The following PKHD1L1 variants were observed in gnomAD, a reference collection of about 807,000 sequenced individuals.
PKHD1L1 encodes the protein fibrocystin-L.
PKHD1L1 carries 434 observed loss-of-function variants against 462.9 expected under a neutral mutation model. The observed-to-expected ratio is 0.94, with a 90% confidence interval of 0.87 to 1.02. PKHD1L1 has a LOEUF of 1.02. PKHD1L1 is among the 50% of genes least tolerant of loss of function. The probability of loss-of-function intolerance (pLI) is 0.00; values close to 1 mark genes in which losing one functional copy is unlikely to be tolerated. For missense variants in PKHD1L1, 5,202 were observed against 5,096.1 expected, an observed-to-expected ratio of 1.02 and a Z score of -0.63; for synonymous variants, 1,781 against 1,750.0, an observed-to-expected ratio of 1.02 and a Z score of -0.44.
rs1817330662 is a variant in PKHD1L1, at chr8:109,464,690, G to A, written c.7858G>A (p.Gly2620Ser). The change falls in exon 49 of 78, where the codon GGT (glycine) becomes AGT (serine). Residue 2620 changes from glycine to serine, a missense_variant. By Grantham distance (56) the Gly-to-Ser change is moderately conservative (BLOSUM62 0). Coordinates refer to ENST00000378402, the MANE Select transcript of PKHD1L1 (RefSeq NM_177531.6). ...EFFNNTVHSQ[G>S]WFGMWIFEEY... is the part of the protein sequence containing the mutation. ...TTTTAACAATACTGTCCATTCTCAA[G>A]GTTGGTTTGGAATGTGGATCTTTGA... 17 of 1,613,528 alleles carry A rather than the reference G, an allele frequency of 1.1e-5. No homozygotes were observed. The highest frequency in any genetic ancestry group is 1.4e-5 in the Non-Finnish European group (17 of 1,179,804).
At chr8:109,403,451 A>G (rs1292271734) in intron 14 of PKHD1L1, among the ~76,000 whole-genome samples, 2 of 152,172 alleles carry the variant, frequency 1.3e-5, no homozygotes, top group Non-Finnish European at 2.9e-5. Flanking sequence ...CTATTTTATG[A>G]GAATTTTGTG....
At chr8:109,503,191 C>T (rs1404815005) in intron 67 of PKHD1L1, among the ~76,000 whole-genome samples, 1 of 151,928 alleles carries the variant, frequency 6.6e-6, no homozygotes, top group Non-Finnish European at 1.5e-5. Context: ...ACCTGTAATC[C>T]CAGCTACTCA....
At position 109,400,150 on chromosome 8, in the gene PKHD1L1, G is replaced by GA. The variant is rs1045166288; in HGVS notation, c.1093dup (p.Thr365AsnfsTer29). On this transcript the variant is annotated frameshift_variant, in exon 13 of 78. Coordinates refer to ENST00000378402, the MANE Select transcript of PKHD1L1 (RefSeq NM_177531.6). LOFTEE classifies it high-confidence loss of function. ...TTTGGAAGAGATACTGGAATACAATGAAAAAACGCCTGGGTACATGGGTGC... is the reference window on the plus strand; with the variant it reads ...TTTGGAAGAGATACTGGAATACAATGAAAAAAACGCCTGGGTACATGGGTGC... The GA allele has an allele frequency of 5.0e-6, 8 of 1,611,894 alleles. No homozygotes were observed. The highest frequency in any genetic ancestry group is 1.3e-5 in the African/African-American group (1 of 74,824).
intron 25 of PKHD1L1, among the ~76,000 whole-genome samples, chr8:109,428,843 C>T (rs1490774403): frequency 2.0e-5 from 3 of 152,088 alleles, no homozygotes; most frequent in Admixed American, 1.3e-4. Flanking sequence ...ACTGATTTAA[C>T]TTGGCTTTAT....
At position 109,429,327 on chromosome 8, in the gene PKHD1L1, T is replaced by C. The variant is rs1282972159; in HGVS notation, c.3001-13T>C. ...TATAACCTTTCTAGTAAAATAATTG[T>C]GTGTAAAAATAGATTAATGATTCCA... On this transcript the variant is annotated splice_polypyrimidine_tract_variant and intron_variant, in intron 25 of 77. Coordinates refer to ENST00000378402, the MANE Select transcript of PKHD1L1 (RefSeq NM_177531.6). 2 of 1,480,034 alleles carry C rather than the reference T, an allele frequency of 1.4e-6. No homozygotes were observed. Among genetic ancestry groups the C allele is most frequent in the East Asian group, 4.9e-5 (2 of 41,146 alleles). 91.7% of individuals were successfully genotyped at this position (1,480,034 alleles called of 1,614,324 possible).
intron 46 of PKHD1L1, among the ~76,000 whole-genome samples, chr8:109,458,822 C>T (rs1208401491): frequency 6.6e-6 from 1 of 152,128 alleles, no homozygotes; most frequent in East Asian, 1.9e-4. Flanking sequence ...AGCATTGACA[C>T]ACTTGTCTCC....
rs751086882 is a variant in PKHD1L1 at position 109,526,876 on chromosome 8, GGCAGCAGCA to G, written c.12587_12595del (p.Ser4196_Ser4198del). On this transcript the variant is annotated inframe_deletion, in exon 77 of 78. Coordinates refer to ENST00000378402, the MANE Select transcript of PKHD1L1 (RefSeq NM_177531.6). Reference sequence around the variant, plus strand: ...GCTGGCAGAGTCTGTCTCTAGCAGTGGCAGCAGCAGCAGCAGCAACAGCAAAGCATCAAC... The same window carrying G: ...GCTGGCAGAGTCTGTCTCTAGCAGTGGCAGCAGCAACAGCAAAGCATCAAC... The G allele has an allele frequency of 2.4e-5, 39 of 1,607,004 alleles. No individual in the cohort carries two copies. Among genetic ancestry groups the G allele is most frequent in the Non-Finnish European group, 3.2e-5 (38 of 1,176,904 alleles).
intron 2 of PKHD1L1, among the ~76,000 whole-genome samples, chr8:109,366,992 G>A (rs924480920): frequency 6.6e-5 from 10 of 152,164 alleles, no homozygotes; most frequent in African/African-American, 2.2e-4. Flanking sequence ...GCACCCTGCC[G>A]TGGTTATGGT....
Position 109,518,304 on chromosome 8 carries a change from C to T in PKHD1L1, c.11827C>T (p.Gln3943Ter). The T allele has an allele frequency of 6.2e-7, 1 of 1,613,042 alleles. No individual in the cohort carries two copies. The highest frequency in any genetic ancestry group is 8.5e-7 in the Non-Finnish European group (1 of 1,179,242). Residue 3943 changes from glutamine to a stop codon, truncating the protein, a stop_gained, in exon 73 of 78, where the codon CAA becomes TAA. Coordinates refer to ENST00000378402, the MANE Select transcript of PKHD1L1 (RefSeq NM_177531.6). LOFTEE classifies it high-confidence loss of function. The part of the protein sequence containing the change: ...HTATVIFVSF[Q>*]LSVATEDDFY... ...TGCCACAGTGATATTTGTTTCTTTC[C>T]AATTATCTGTTGCAACAGAAGATGA...
intron 6 of PKHD1L1, 104 bp downstream of exon 6, chr8:109,385,734 A>G (rs1812409257): frequency 3.0e-6 from 2 of 674,600 alleles, no homozygotes; most frequent in Non-Finnish European, 4.5e-6. Flanking sequence ...AATGTAATAT[A>G]ACTAACCAGT....
rs763173510 is a variant in PKHD1L1, at chr8:109,445,544, T to C, written c.5675T>C (p.Val1892Ala). The change falls in exon 38 of 78, where the codon GTC becomes GCC. Residue 1892 changes from valine (V) to alanine (A), a missense_variant. Coordinates refer to ENST00000378402, the MANE Select transcript of PKHD1L1 (RefSeq NM_177531.6). The part of the protein sequence containing the change: ...CRTPAGTTGM[V>A]DVKIFVNTIA... ...ACTCCCGCTGGGACCACTGGAATGG[T>C]CGATGTTAAAATCTTTGTTAATACA... 2.5e-6 allele frequency: 4 copies of C among 1,613,154 alleles called. No homozygotes were observed. The highest frequency in any genetic ancestry group is 2.5e-6 in the Non-Finnish European group (3 of 1,179,508).
chr8:109,493,628 A>G, intron 62 of PKHD1L1, 33 bp from the exon 63 acceptor site: 2 of 1,387,356 alleles, frequency 1.4e-6, no homozygotes, highest in South Asian at 2.5e-5. Flanking sequence ...TACTAGCCTG[A>G]TGCACAGTAT....
chr8:109,443,967 A>G, intron 37 of PKHD1L1, 65 bp downstream of exon 37: 1 of 1,355,034 alleles, frequency 7.4e-7, no homozygotes, highest in Non-Finnish European at 1.0e-6. Flanking sequence ...TTTTGACGAT[A>G]ACCTTGTTAT....
Position 109,452,688 on chromosome 8 carries a change from A to G in PKHD1L1, c.6508-30A>G. The G allele has an allele frequency of 2.2e-6, 3 of 1,350,092 alleles. No homozygotes were observed. The South Asian group carries it at 7.2e-5, about 32-fold the overall frequency. The allele number at this position is 1,350,092 out of a possible 1,614,324, so 83.6% of individuals were successfully genotyped here. On this transcript the variant is annotated intron_variant, in intron 42 of 77. Transcript: ENST00000378402. ...ATGAAAAACTCTGGTAAAATCCCTA[A>G]ATTTTAAGGTCTCTTATGTTCTATT... is the stretch of plus-strand genomic sequence containing the variant.
chr8:109,514,833 A>G (rs557148549), intron 71 of PKHD1L1, among the ~76,000 whole-genome samples: 39 of 152,218 alleles, frequency 2.6e-4, no homozygotes, highest in African/African-American at 8.9e-4. Context: ...TACAGAGTAT[A>G]GCTAAGTCCC....
At chr8:109,469,245 T>C (rs1023856796) in intron 50 of PKHD1L1, among the ~76,000 whole-genome samples, 1 of 152,094 alleles carries the variant, frequency 6.6e-6, no homozygotes, top group Non-Finnish European at 1.5e-5. Flanking sequence ...ACCATAGAAC[T>C]CTTCAAAGAG....
rs1034527420 is a variant in PKHD1L1 at position 109,490,968 on chromosome 8, A to G, written c.9985-4A>G. 1 of 1,600,320 alleles carries G rather than the reference A, an allele frequency of 6.2e-7. No individual in the cohort carries two copies. Among genetic ancestry groups the G allele is most frequent in the East Asian group, 2.2e-5 (1 of 44,564 alleles). On this transcript the variant is annotated splice_region_variant and splice_polypyrimidine_tract_variant and intron_variant, in intron 60 of 77. Coordinates refer to ENST00000378402, the MANE Select transcript of PKHD1L1 (RefSeq NM_177531.6). ...AATGTTCTCTGTATCCCAATGTTGT[A>G]TAGATTCAAGAACATGGCTCATCTT...
chr8:109,385,415 C>T, intron 5 of PKHD1L1, 122 bp from the exon 6 acceptor site: 2 of 560,250 alleles, frequency 3.6e-6, no homozygotes, highest in East Asian at 3.0e-5. Flanking sequence ...ACAATAGTGG[C>T]AAACATGAGG....
intron 2 of PKHD1L1, among the ~76,000 whole-genome samples, chr8:109,368,096 G>A (rs963158280): frequency 3.3e-5 from 5 of 152,018 alleles, no homozygotes; most frequent in African/African-American, 1.2e-4. Context: ...AATTATATTG[G>A]CTTTGTTACT....
Sources: gnomAD v4.1 joint callset for allele counts (sites outside exome capture counted in the v4.1 genomes callset) on GRCh38, gnomAD v4.1.1 for gene constraint, MANE v1.5 for transcripts, NCBI Gene and HGNC (gene_info 2026-07-23, HGNC 2026-07-21) for gene names.